NRG1: variants seen among roughly 807,000 people sequenced by gnomAD.
NRG1 encodes the protein pro-neuregulin-1, membrane-bound isoform.
Under a neutral mutation model 63.8 loss-of-function variants are expected in NRG1, and 18 were observed. The ratio of observed to expected loss-of-function variants is 0.28; its 90% CI spans 0.19 to 0.42. The LOEUF is 0.42. Among genes scored for constraint, NRG1 ranks in the 10% least tolerant of loss-of-function variants. The probability of loss-of-function intolerance (pLI) is 1.00; values close to 1 mark genes in which losing one functional copy is unlikely to be tolerated. For missense variants in NRG1, 762 were observed against 814.7 expected, an observed-to-expected ratio of 0.94 and a Z score of 0.79; for synonymous variants, 302 against 301.3, an observed-to-expected ratio of 1.00 and a Z score of -0.02.
At chr8:32,007,986 A>G (rs1364889860) in intron 1 of NRG1, among the ~76,000 whole-genome samples, 1 of 152,040 alleles carries the variant, frequency 6.6e-6, no homozygotes, top group Non-Finnish European at 1.5e-5. Flanking sequence ...GCTGGAAGAA[A>G]TGCTACATCA....
At chr8:32,718,058 A>T (rs1454769345) in intron 5 of NRG1, among the ~76,000 whole-genome samples, 2 of 152,196 alleles carry the variant, frequency 1.3e-5, no homozygotes, top group African/African-American at 2.4e-5. Flanking sequence ...TGTCCATCTT[A>T]ATGGGATCCT....
intron 7 of NRG1, among the ~76,000 whole-genome samples, chr8:32,750,892 C>T (rs984292473): frequency 4.0e-5 from 6 of 151,818 alleles, no homozygotes; most frequent in Non-Finnish European, 8.8e-5. Context: ...GGAGTTTCTT[C>T]CCTCAGGGAA....
intron 1 of NRG1, among the ~76,000 whole-genome samples, chr8:32,211,883 T>C (rs1844736987): frequency 6.6e-6 from 1 of 152,144 alleles, no homozygotes; most frequent in Non-Finnish European, 1.5e-5. Flanking sequence ...GATAGAAAAA[T>C]ACTGTTTTCT....
intron 1 of NRG1, among the ~76,000 whole-genome samples, chr8:32,589,376 A>G (rs1237876157): frequency 6.6e-6 from 1 of 152,234 alleles, no homozygotes; most frequent in Non-Finnish European, 1.5e-5. Context: ...GGACTGATTA[A>G]TGGTATTCGT....
chr8:31,710,046 T>G (rs1811585123), intron 1 of NRG1, among the ~76,000 whole-genome samples: 1 of 151,782 alleles, frequency 6.6e-6, no homozygotes, highest in African/African-American at 2.4e-5. Flanking sequence ...AAAAATTAAA[T>G]GCTCTGAGTT....
At position 32,389,266 on chromosome 8, in the gene NRG1, G is replaced by T. The variant is rs561250568; in HGVS notation, c.38-206562G>T. On this transcript the variant is annotated intron_variant, in intron 1 of 10. Transcript: ENST00000519301. ...GATTTTGTAATGCTTGGCATGTTTTGCTTATAATCTTGTCCTACAAAGAAG... is the reference window on the plus strand; with the variant it reads ...GATTTTGTAATGCTTGGCATGTTTTTCTTATAATCTTGTCCTACAAAGAAG... Among the ~76,000 whole-genome samples the T allele has an allele frequency of 1.9e-3, 286 of 152,216 alleles. 1 individual carries two copies. The highest frequency in any genetic ancestry group is 6.6e-3 in the African/African-American group (276 of 41,520).
chr8:32,533,170 T>C (rs1474579866), intron 1 of NRG1, among the ~76,000 whole-genome samples: 1 of 151,970 alleles, frequency 6.6e-6, no homozygotes, highest in Non-Finnish European at 1.5e-5. Flanking sequence ...ATACAAACAA[T>C]AGAAGAAATA....
chr8:32,321,704 T>C (rs1375483695), intron 1 of NRG1, among the ~76,000 whole-genome samples: 1 of 152,034 alleles, frequency 6.6e-6, no homozygotes, highest in East Asian at 1.9e-4. Flanking sequence ...ATATAGTAAA[T>C]ACAATGTTTA....
intron 1 of NRG1, among the ~76,000 whole-genome samples, chr8:32,273,795 TACTC>T (rs978359061): frequency 2.0e-5 from 3 of 152,224 alleles, no homozygotes; most frequent in Admixed American, 6.5e-5. Flanking sequence ...TATTTAAAGT[TACTC>T]ACAGAAATAT....
chr8:32,280,680 G>GTTTTTTT lies in NRG1; in HGVS notation c.38-315144_38-315138dup, dbSNP rs1235833561. 1.3e-4 allele frequency among the ~76,000 whole-genome samples: 7 copies of GTTTTTTT among 53,754 alleles called. 1 individual carries two copies. The highest frequency in any genetic ancestry group is 8.5e-4 in the East Asian group (1 of 1,172). The allele number at this position is 53,754 out of a possible 152,430, so 35.3% of individuals were successfully genotyped here. On this transcript the variant is annotated intron_variant, in intron 1 of 10. Transcript: ENST00000519301. The stretch of plus-strand genomic sequence containing the variant: ...GGTGTCTTTCATGCAACTGAATTAG[G>GTTTTTTT]TTTTTTTTTTGTTTTTTTTTTTTTT...
intron 1 of NRG1, among the ~76,000 whole-genome samples, chr8:31,684,255 T>C (rs1455491852): frequency 6.6e-6 from 1 of 152,166 alleles, no homozygotes; most frequent in African/African-American, 2.4e-5. Flanking sequence ...GTAACAGTAT[T>C]AAGAGGTGGG....
intron 1 of NRG1, among the ~76,000 whole-genome samples, chr8:32,414,903 C>A (rs1443576788): frequency 1.3e-5 from 2 of 151,994 alleles, no homozygotes; most frequent in Non-Finnish European, 1.5e-5. Context: ...TGGAGGATAC[C>A]CAAGAAACTC....
At chr8:32,667,270 T>C (rs898592174) in intron 5 of NRG1, among the ~76,000 whole-genome samples, 1 of 152,244 alleles carries the variant, frequency 6.6e-6, no homozygotes, top group Non-Finnish European at 1.5e-5. Flanking sequence ...TATAATCTTA[T>C]GGGACCACTG....
intron 1 of NRG1, among the ~76,000 whole-genome samples, chr8:32,261,388 T>C (rs533225426): frequency 3.3e-5 from 5 of 149,634 alleles, no homozygotes; most frequent in Non-Finnish European, 7.4e-5. Flanking sequence ...TGTGTGTGTG[T>C]GCTGGTGTGT....
chr8:32,461,823 C>T (rs1346401362), intron 1 of NRG1, among the ~76,000 whole-genome samples: 1 of 152,196 alleles, frequency 6.6e-6, no homozygotes, highest in African/African-American at 2.4e-5. Context: ...ATTACCTATT[C>T]TTCTAAACCA....
Position 32,036,313 on chromosome 8 carries a change from G to A in NRG1, c.37+396882G>A, listed in dbSNP as rs112390400. ...TGAGAGGTCTGCTGTTAGTCTGATGGGCTTTTCTTCATAAGTGACCTGGCC... is the reference window on the plus strand; with the variant it reads ...TGAGAGGTCTGCTGTTAGTCTGATGAGCTTTTCTTCATAAGTGACCTGGCC... On this transcript the variant is annotated intron_variant, in intron 1 of 10. Coordinates refer to the NRG1 transcript ENST00000519301. Among the ~76,000 whole-genome samples the A allele has an allele frequency of 5.7e-3, 835 of 145,274 alleles. 4 individuals carry two copies. Among genetic ancestry groups the A allele is most frequent in the African/African-American group, 0.019 (778 of 41,120 alleles).
At chr8:31,735,699 G>T (rs1814590480) in intron 1 of NRG1, among the ~76,000 whole-genome samples, 1 of 152,166 alleles carries the variant, frequency 6.6e-6, no homozygotes, top group Non-Finnish European at 1.5e-5. Flanking sequence ...ACACATAGAT[G>T]TATTTCTTTT....
chr8:32,175,520 T>G (rs1482846346), intron 1 of NRG1, among the ~76,000 whole-genome samples: 3 of 152,134 alleles, frequency 2.0e-5, no homozygotes, highest in Non-Finnish European at 4.4e-5. Flanking sequence ...GGTATTCAGG[T>G]AGTCAAAGAT....
intron 1 of NRG1, among the ~76,000 whole-genome samples, chr8:32,521,563 C>G (rs1305200307): frequency 1.3e-5 from 2 of 152,014 alleles, no homozygotes; most frequent in Non-Finnish European, 1.5e-5. Flanking sequence ...AAGAATAAAA[C>G]TCAAAGACAG....
Sources: allele counts gnomAD v4.1 joint callset (sites outside exome capture counted in the v4.1 genomes callset), GRCh38; gene constraint gnomAD v4.1.1; transcripts MANE v1.5; gene names NCBI Gene and HGNC (gene_info 2026-07-23, HGNC 2026-07-21).